ZEB2: variants seen among roughly 807,000 people sequenced by gnomAD.
The protein encoded by ZEB2 is zinc finger E-box-binding homeobox 2.
In ZEB2, 6 loss-of-function variants were observed where a neutral mutation model predicts 99.9. That is an observed-to-expected ratio of 0.06 (90% confidence interval 0.03 to 0.12). The LOEUF is 0.12. Ranked by LOEUF, ZEB2 falls within the 10% of genes least tolerant of loss-of-function variation. The pLI, the probability that ZEB2 is intolerant of heterozygous loss-of-function variation, is 1.00. For synonymous variants in ZEB2, 517 were observed against 542.5 expected (o/e 0.95, Z 0.65); for missense variants, 969 against 1,502.8 (o/e 0.64, Z 5.87).
At chr2:144,423,670 C>T (rs776072948) in intron 4 of ZEB2, among the ~76,000 whole-genome samples, 1 of 151,934 alleles carries the variant, frequency 6.6e-6, no homozygotes, top group Non-Finnish European at 1.5e-5. Context: ...TATTTTTATA[C>T]CTTAAATTGA....
rs564005088 is a variant in ZEB2 at position 144,431,635 on chromosome 2, G to A, written c.74-1609C>T. Among the ~76,000 whole-genome samples, 19 of 151,924 alleles carry A rather than the reference G, an allele frequency of 1.3e-4. No homozygotes were observed. In the South Asian group the frequency reaches 2.9e-3, roughly 23 times the overall value. On this transcript the variant is annotated intron_variant, in intron 2 of 9. Coordinates refer to ENST00000627532, the MANE Select transcript of ZEB2 (RefSeq NM_014795.4). ...AAGAGGTGTGACCACAAGGGCTTAGGCAAGTTCAGGCTGGGTAATGCCCTC... is the reference window on the plus strand; with the variant it reads ...AAGAGGTGTGACCACAAGGGCTTAGACAAGTTCAGGCTGGGTAATGCCCTC...
chr2:144,422,526 G>A lies in ZEB2; in HGVS notation c.403+2270C>T, dbSNP rs759087477. On this transcript the variant is annotated intron_variant, in intron 4 of 9. Transcript: ENST00000627532. ...TAATTCAAATAATTATAGGCCAGGC[G>A]CAGTGGCACATGCCTGTAATCCCGG... 2.0e-4 allele frequency among the ~76,000 whole-genome samples: 31 copies of A among 152,222 alleles called. 1 individual carries two copies. The highest frequency in any genetic ancestry group is 9.8e-4 in the Admixed American group (15 of 15,286).
Position 144,405,000 on chromosome 2 carries a change from T to A in ZEB2, c.428A>T (p.Asp143Val). 6.2e-7 allele frequency: 1 copy of A among 1,614,128 alleles called. No individual in the cohort carries two copies. Among genetic ancestry groups the A allele is most frequent in the East Asian group, 2.2e-5 (1 of 44,874 alleles). The change falls in exon 5 of 10, where the codon GAT becomes GTT. Residue 143 changes from aspartate to valine, a missense_variant. By Grantham distance (152) the Asp-to-Val change is radical. This residue lies in a region of ZEB2 where 173 missense variants were observed against 217.7 expected (regional missense o/e 0.79). Transcript: ENST00000627532. ...GTVKNANCTS[D>V]FEEYFAKRKL... Reference sequence around the variant, plus strand: ...TCTTTTGGCAAAGTATTCCTCAAAATCTGATGTGCAATTTGCATTCTTCAC... The same window carrying A: ...TCTTTTGGCAAAGTATTCCTCAAAAACTGATGTGCAATTTGCATTCTTCAC...
At position 144,404,147 on chromosome 2, in the gene ZEB2, G is replaced by GAC. The variant is rs776927209; in HGVS notation, c.593-18_593-17insGT. On this transcript the variant is annotated splice_polypyrimidine_tract_variant and intron_variant, in intron 5 of 9. Coordinates refer to ENST00000627532, the MANE Select transcript of ZEB2 (RefSeq NM_014795.4). Reference sequence around the variant, plus strand: ...GTGGCAGGTCTGTAGCCGAGAGACAGAGAGAGAGAGAAGCGGGCCAAAAGG... The same window carrying GAC: ...GTGGCAGGTCTGTAGCCGAGAGACAGACAGAGAGAGAGAAGCGGGCCAAAAGG... The GAC allele has an allele frequency of 6.5e-5, 94 of 1,452,808 alleles. No individual in the cohort carries two copies. The highest frequency in any genetic ancestry group is 8.2e-5 in the Non-Finnish European group (87 of 1,062,804). The allele number at this position is 1,452,808 out of a possible 1,614,324, so 90.0% of individuals were successfully genotyped here. A position where few individuals can be genotyped will look rare whatever the true frequency, so the allele number is the denominator to read the frequency against.
intron 2 of ZEB2, among the ~76,000 whole-genome samples, chr2:144,498,086 A>T (rs28469512): frequency 1.1e-5 from 1 of 90,718 alleles, no homozygotes; most frequent in African/African-American, 4.3e-5. Flanking sequence ...ATATTATATA[A>T]TATATATTAA....
rs1212043477 is a variant in ZEB2, at chr2:144,400,006, G to C, written c.1181C>G (p.Pro394Arg). 1 of 1,614,154 alleles carries C rather than the reference G, an allele frequency of 6.2e-7. No individual in the cohort carries two copies. Among genetic ancestry groups the C allele is most frequent in the Non-Finnish European group, 8.5e-7 (1 of 1,180,004 alleles). Reference sequence around the variant, plus strand: ...AACTTTATAGTCATTGAAGTCTAGTGGTTCTGTTTTAATTTTAAGTAAGCC... The same window carrying C: ...AACTTTATAGTCATTGAAGTCTAGTCGTTCTGTTTTAATTTTAAGTAAGCC... ...QTGLLKIKTE[P>R]LDFNDYKVLM... The change falls in exon 8 of 10, where the codon CCA (proline) becomes CGA (arginine). Residue 394 changes from proline to arginine, a missense_variant. This residue lies in a region of ZEB2 where 227 missense variants were observed against 278.2 expected (regional missense o/e 0.82). Transcript: ENST00000627532.
intron 2 of ZEB2, among the ~76,000 whole-genome samples, chr2:144,470,885 C>T (rs952801265): frequency 1.3e-5 from 2 of 152,016 alleles, no homozygotes; most frequent in Non-Finnish European, 2.9e-5. Context: ...CTGAAGTAAC[C>T]CTTTGCATTT....
At chr2:144,503,929 C>T (rs1035976802) in intron 2 of ZEB2, 2 of 151,990 alleles carry the variant, frequency 1.3e-5, no homozygotes, top group Admixed American at 6.6e-5. Flanking sequence ...CTTGTACTGG[C>T]TTTTTGTTAG....
chr2:144,411,308 TA>T (rs966069720), intron 4 of ZEB2, among the ~76,000 whole-genome samples: 7 of 151,944 alleles, frequency 4.6e-5, no homozygotes, highest in Admixed American at 3.9e-4. Context: ...GCCTTTTTGT[TA>T]ACATCTCAGA....
chr2:144,409,002 A>G (rs1703423010), intron 4 of ZEB2, among the ~76,000 whole-genome samples: 1 of 152,154 alleles, frequency 6.6e-6, no homozygotes, highest in African/African-American at 2.4e-5. Flanking sequence ...GTTATTTTCC[A>G]TCTAGAAAAA....
At chr2:144,424,383 A>T in intron 4 of ZEB2, 1 of 519,666 alleles carries the variant, frequency 1.9e-6, no homozygotes, top group Non-Finnish European at 3.8e-6. Flanking sequence ...TCTGAAAAAA[A>T]AATTTTACAG....
At chr2:144,424,746 C>T (rs760545175) in intron 4 of ZEB2, 50 bp downstream of exon 4, 3 of 1,606,262 alleles carry the variant, frequency 1.9e-6, no homozygotes, top group Admixed American at 3.3e-5. Flanking sequence ...CCTCACTAAA[C>T]CCACATGACA....
intron 2 of ZEB2, among the ~76,000 whole-genome samples, chr2:144,487,873 T>C (rs1206305535): frequency 6.6e-6 from 1 of 152,068 alleles, no homozygotes; most frequent in East Asian, 1.9e-4. Context: ...TACTCAAAGT[T>C]GAACTTTTAT....
At chr2:144,438,461 G>A (rs547724437) in intron 2 of ZEB2, among the ~76,000 whole-genome samples, 1 of 152,010 alleles carries the variant, frequency 6.6e-6, no homozygotes, top group South Asian at 2.1e-4. Flanking sequence ...GAAGAGATGT[G>A]GCTCGAAGTA....
intron 4 of ZEB2, chr2:144,405,408 A>C (rs1703373010): frequency 4.5e-6 from 1 of 223,154 alleles, no homozygotes; most frequent in African/African-American, 2.4e-5. Flanking sequence ...AGTCTATCTG[A>C]AATTTCATTT....
chr2:144,466,733 A>T (rs1704277695), intron 2 of ZEB2, among the ~76,000 whole-genome samples: 1 of 152,194 alleles, frequency 6.6e-6, no homozygotes, highest in South Asian at 2.1e-4. Context: ...GCAGTGCTGA[A>T]GGTAGGCGTC....
chr2:144,439,030 A>G (rs2149894834), intron 2 of ZEB2, among the ~76,000 whole-genome samples: 1 of 152,176 alleles, frequency 6.6e-6, no homozygotes, highest in African/African-American at 2.4e-5. Context: ...GTGAGGGGAA[A>G]AATATTGAAT....
At position 144,497,968 on chromosome 2, in the gene ZEB2, T is replaced by A. The variant is rs868613128; in HGVS notation, c.73+19310A>T. ...ATATATTATATAATATATATTAATA[T>A]TATATATTATATAATATATTAATAT... On this transcript the variant is annotated intron_variant, in intron 2 of 9. Transcript: ENST00000627532. 8.0e-3 allele frequency among the ~76,000 whole-genome samples: 16 copies of A among 1,988 alleles called. 3 individuals are homozygous for A. The highest frequency in any genetic ancestry group is 0.075 in the East Asian group (3 of 40). 1.3% of individuals were successfully genotyped at this position (1,988 alleles called of 152,430 possible).
At chr2:144,398,218 T>G in intron 8 of ZEB2, 83 bp downstream of exon 8, 2 of 1,561,500 alleles carry the variant, frequency 1.3e-6, no homozygotes, top group South Asian at 1.1e-5. Context: ...GTTTTTTCAC[T>G]AAGATTTTTT....
Sources: allele counts gnomAD v4.1 joint callset (sites outside exome capture counted in the v4.1 genomes callset), GRCh38; gene constraint gnomAD v4.1.1; regional missense constraint gnomAD v4.1.1; transcripts MANE v1.5; gene names NCBI Gene and HGNC (gene_info 2026-07-23, HGNC 2026-07-21).